TMEM117: variants seen among roughly 807,000 people sequenced by gnomAD.
The protein encoded by TMEM117 is transmembrane protein 117.
In TMEM117, 27 loss-of-function variants were observed where a neutral mutation model predicts 52.4. That is an observed-to-expected ratio of 0.51 (90% confidence interval 0.38 to 0.71). The LOEUF is 0.71. TMEM117 is among the 30% of genes least tolerant of loss of function. The pLI is 0.00. For missense variants in TMEM117, 556 were observed against 630.5 expected (o/e 0.88, Z 1.26); for synonymous variants, 215 against 206.3 (o/e 1.04, Z -0.36).
At chr12:43,974,365 T>C (rs1945638637) in intron 3 of TMEM117, among the ~76,000 whole-genome samples, 1 of 152,156 alleles carries the variant, frequency 6.6e-6, no homozygotes, top group South Asian at 2.1e-4. Context: ...CTGACTTTAT[T>C]CAGAAAACTT....
chr12:44,177,729 G>A (rs1183519225), intron 4 of TMEM117, among the ~76,000 whole-genome samples: 2 of 152,116 alleles, frequency 1.3e-5, no homozygotes, highest in Admixed American at 1.3e-4. Context: ...TTTAATTGTA[G>A]TTTCTCAGTT....
chr12:43,979,705 A>G (rs1341669993), intron 3 of TMEM117, among the ~76,000 whole-genome samples: 2 of 152,196 alleles, frequency 1.3e-5, no homozygotes, highest in African/African-American at 4.8e-5. Flanking sequence ...TCCATTTGCA[A>G]GATCTTTTGG....
At chr12:44,265,890 C>A (rs1950372167) in intron 5 of TMEM117, among the ~76,000 whole-genome samples, 1 of 152,136 alleles carries the variant, frequency 6.6e-6, no homozygotes. Context: ...TAGCATAATG[C>A]TTTCAAGGTT....
At chr12:43,929,106 AC>A (rs1944831103) in intron 2 of TMEM117, among the ~76,000 whole-genome samples, 1 of 151,934 alleles carries the variant, frequency 6.6e-6, no homozygotes, top group South Asian at 2.1e-4. Context: ...TTGGGTATAT[AC>A]CCAGTAATGG....
the TMEM117 span, among the ~76,000 whole-genome samples, chr12:43,815,788 C>T: frequency 6.6e-6 from 1 of 152,202 alleles, no homozygotes; most frequent in African/African-American, 2.4e-5. Context: ...CACTGTCAGC[C>T]ATCAGTGGCA....
intron 3 of TMEM117, among the ~76,000 whole-genome samples, chr12:43,963,061 A>G (rs1315745795): frequency 3.3e-5 from 5 of 151,922 alleles, no homozygotes; most frequent in African/African-American, 1.2e-4. Context: ...TTTTAGCAAA[A>G]AACAATTGGT....
chr12:44,319,252 ATCCTGAG>A (rs1951100263), intron 6 of TMEM117, among the ~76,000 whole-genome samples: 1 of 152,176 alleles, frequency 6.6e-6, no homozygotes, highest in South Asian at 2.1e-4. Context: ...CCTGCTCTCC[ATCCTGAG>A]TCTGGGAAAA....
chr12:43,964,910 A>T (rs1945460553), intron 3 of TMEM117, among the ~76,000 whole-genome samples: 1 of 152,228 alleles, frequency 6.6e-6, no homozygotes, highest in Non-Finnish European at 1.5e-5. Flanking sequence ...ACAGGTCAAC[A>T]GAACTTTATG....
At chr12:44,337,332 T>C (rs575314546) in intron 6 of TMEM117, among the ~76,000 whole-genome samples, 4 of 152,128 alleles carry the variant, frequency 2.6e-5, no homozygotes, top group African/African-American at 9.6e-5. Flanking sequence ...ATGGATTTTA[T>C]AATCCATTCA....
intron 3 of TMEM117, among the ~76,000 whole-genome samples, chr12:44,123,402 T>G (rs1006418944): frequency 6.6e-6 from 1 of 152,256 alleles, no homozygotes; most frequent in African/African-American, 2.4e-5. Flanking sequence ...TTTATTAGTT[T>G]AATTAGATCC....
At chr12:44,329,219 C>G (rs1167622886) in intron 6 of TMEM117, among the ~76,000 whole-genome samples, 1 of 152,066 alleles carries the variant, frequency 6.6e-6, no homozygotes, top group Non-Finnish European at 1.5e-5. Context: ...TGCAAACATA[C>G]AGAATAGAGG....
chr12:43,863,073 C>G lies in TMEM117; in HGVS notation c.277+18145C>G, dbSNP rs944988773. Among the ~76,000 whole-genome samples, 3 of 152,076 alleles carry G rather than the reference C, an allele frequency of 2.0e-5. No homozygotes were observed. The East Asian group carries it at 5.8e-4, about 29-fold the overall frequency. ...ATTTCAGGAGGCCTGTGGTGAAACC[C>G]TGTCTCTACTGAAATACAGAAAATC... On this transcript the variant is annotated intron_variant, in intron 2 of 7. Transcript: ENST00000266534.
chr12:44,195,706 C>T lies in TMEM117; in HGVS notation c.511-15584C>T, dbSNP rs575004485. 3.9e-5 allele frequency among the ~76,000 whole-genome samples: 6 copies of T among 152,014 alleles called. No individual in the cohort carries two copies. The East Asian group carries it at 1.2e-3, about 29-fold the overall frequency. On this transcript the variant is annotated intron_variant, in intron 4 of 7. Coordinates refer to ENST00000266534, the MANE Select transcript of TMEM117 (RefSeq NM_032256.3). ...TTAAAGAAAGATACTACCTAATGAA[C>T]ATGTAACAATTTTAAACTTGTATGT... is the stretch of plus-strand genomic sequence containing the variant.
chr12:44,268,302 T>G (rs1330809155), intron 5 of TMEM117, among the ~76,000 whole-genome samples: 2 of 152,016 alleles, frequency 1.3e-5, no homozygotes, highest in African/African-American at 4.8e-5. Flanking sequence ...CATGCCTGGC[T>G]AATTTTTTTT....
chr12:44,143,496 G>T (rs1457182875), intron 3 of TMEM117, 29 bp from the exon 4 acceptor site: 1 of 1,564,842 alleles, frequency 6.4e-7, no homozygotes, highest in Non-Finnish European at 8.8e-7. Context: ...TCTGAGTCCG[G>T]ACAATGTCTT....
At chr12:44,279,578 A>C (rs1448840185) in intron 5 of TMEM117, among the ~76,000 whole-genome samples, 2 of 150,684 alleles carry the variant, frequency 1.3e-5, no homozygotes, top group African/African-American at 4.9e-5. Flanking sequence ...CAGTGGCATA[A>C]TCTCGGCTCA....
At chr12:44,000,081 C>A (rs970164188) in intron 3 of TMEM117, among the ~76,000 whole-genome samples, 2 of 152,116 alleles carry the variant, frequency 1.3e-5, no homozygotes, top group Non-Finnish European at 2.9e-5. Flanking sequence ...CACAGGAAAT[C>A]ATTTGCTATG....
intron 3 of TMEM117, among the ~76,000 whole-genome samples, chr12:44,114,048 G>T (rs1754527282): frequency 6.7e-6 from 1 of 148,184 alleles, no homozygotes; most frequent in Admixed American, 6.7e-5. Flanking sequence ...GTGAGGCAAT[G>T]CCTCGCCCTG....
chr12:43,970,211 A>C (rs1056631861), intron 3 of TMEM117, among the ~76,000 whole-genome samples: 4 of 151,866 alleles, frequency 2.6e-5, no homozygotes, highest in Non-Finnish European at 5.9e-5. Flanking sequence ...CCCTTATTTT[A>C]CTTCATAATG....
Sources: gnomAD v4.1 joint callset for allele counts (sites outside exome capture counted in the v4.1 genomes callset) on GRCh38, gnomAD v4.1.1 for gene constraint, MANE v1.5 for transcripts, NCBI Gene and HGNC (gene_info 2026-07-23, HGNC 2026-07-21) for gene names.